Variants in SEMA3A observed in about 807,000 individuals in gnomAD.
SEMA3A encodes the protein semaphorin-3A.
A neutral mutation model predicts 97.9 loss-of-function variants in SEMA3A; 29 were observed. The observed-to-expected ratio is 0.30, with a 90% CI of 0.22 to 0.40. The LOEUF (loss-of-function observed/expected upper bound fraction) is 0.40. Ranked by LOEUF, SEMA3A falls within the 10% of genes least tolerant of loss-of-function variation. SEMA3A has a pLI of 1.00. For missense variants in SEMA3A, 763 were observed against 951.3 expected (o/e 0.80, Z 2.60); for synonymous variants, 321 against 323.7 (o/e 0.99, Z 0.09).
chr7:84,049,836 G>T (rs981811055), intron 5 of SEMA3A, among the ~76,000 whole-genome samples: 1 of 148,354 alleles, frequency 6.7e-6, no homozygotes. Context: ...CTAGCATTAG[G>T]TATATCTCCC....
At chr7:84,129,860 G>T (rs983121639) in intron 2 of SEMA3A, among the ~76,000 whole-genome samples, 6 of 151,870 alleles carry the variant, frequency 4.0e-5, no homozygotes, top group African/African-American at 1.5e-4. Flanking sequence ...GACTAGTTGA[G>T]AAACAATTAT....
intron 1 of SEMA3A, among the ~76,000 whole-genome samples, chr7:84,436,421 C>G (rs1805132256): frequency 6.6e-6 from 1 of 152,098 alleles, no homozygotes; most frequent in African/African-American, 2.4e-5. Flanking sequence ...AAAATATTTT[C>G]AAACTATTCA....
At chr7:84,308,821 T>TTC (rs1187255626) in intron 2 of SEMA3A, among the ~76,000 whole-genome samples, 15 of 68,040 alleles carry the variant, frequency 2.2e-4, no homozygotes, top group African/African-American at 3.8e-4. Flanking sequence ...TCACTTTTTT[T>TTC]TTCTTTTTTT....
chr7:84,474,087 C>G (rs921914919), intron 1 of SEMA3A, among the ~76,000 whole-genome samples: 1 of 152,122 alleles, frequency 6.6e-6, no homozygotes, highest in Non-Finnish European at 1.5e-5. Context: ...TTTCTTATCT[C>G]TCAGCCTTGG....
At chr7:84,326,166 A>G (rs553266189) in intron 2 of SEMA3A, among the ~76,000 whole-genome samples, 2 of 152,244 alleles carry the variant, frequency 1.3e-5, no homozygotes, top group East Asian at 3.9e-4. Context: ...TGGAGTATGG[A>G]TTATAGAGCT....
chr7:84,401,212 T>C (rs1172651808), intron 1 of SEMA3A, among the ~76,000 whole-genome samples: 1 of 152,126 alleles, frequency 6.6e-6, no homozygotes, highest in Non-Finnish European at 1.5e-5. Flanking sequence ...CATTTCTATA[T>C]GCCAATAGTG....
At chr7:84,368,838 C>A (rs1802910790) in intron 2 of SEMA3A, among the ~76,000 whole-genome samples, 1 of 150,440 alleles carries the variant, frequency 6.6e-6, no homozygotes, top group Admixed American at 6.7e-5. Flanking sequence ...AATATATACA[C>A]AAAAACACAT....
Position 83,961,624 on chromosome 7 carries a change from G to A in SEMA3A, c.2063C>T (p.Thr688Ile), listed in dbSNP as rs1322821879. 6.2e-7 allele frequency: 1 copy of A among 1,613,974 alleles called. No homozygotes were observed. The highest frequency in any genetic ancestry group is 8.5e-7 in the Non-Finnish European group (1 of 1,179,950). ...TGTCATGCTATTGGACATTTCTTTG[G>A]TCTTAGAGCCATCTCCATCATCATC... ...HKDDDGDGSK[T>I]KEMSNSMTPS... Residue 688 changes from threonine to isoleucine, a missense_variant, in exon 17 of 17, where the codon ACC becomes ATC. By Grantham distance (89) the Thr-to-Ile change is moderately conservative. This residue lies in a region of SEMA3A where 678 missense variants were observed against 881.3 expected (regional missense o/e 0.77). Coordinates refer to ENST00000265362, the MANE Select transcript of SEMA3A (RefSeq NM_006080.3).
chr7:84,355,045 A>G (rs1802523521), intron 2 of SEMA3A, among the ~76,000 whole-genome samples: 1 of 151,810 alleles, frequency 6.6e-6, no homozygotes, highest in Non-Finnish European at 1.5e-5. Context: ...GATTATTTCC[A>G]GTTAGGATTC....
intron 4 of SEMA3A, among the ~76,000 whole-genome samples, chr7:84,090,530 A>G (rs1794530425): frequency 6.6e-6 from 1 of 152,176 alleles, no homozygotes; most frequent in East Asian, 1.9e-4. Flanking sequence ...CACAAGACCC[A>G]CGTTGAACAA....
chr7:84,280,321 A>T (rs1800411120), intron 3 of SEMA3A, among the ~76,000 whole-genome samples: 3 of 152,200 alleles, frequency 2.0e-5, no homozygotes, highest in African/African-American at 7.2e-5. Context: ...AGTGTCTCCT[A>T]AGCTAAACTA....
At position 84,148,016 on chromosome 7, in the gene SEMA3A, TCTCATGCCTCGGC is replaced by T. The variant is rs543675618; in HGVS notation, c.113-13078_113-13066del. ...CCTCTGCCTCCTGGGTTCAAGGGAT[TCTCATGCCTCGGC>T]CTCCTGAGTAGCTGGTATTACAGGC... On this transcript the variant is annotated intron_variant, in intron 1 of 16. Transcript: ENST00000265362. 3.9e-3 allele frequency among the ~76,000 whole-genome samples: 598 copies of T among 152,168 alleles called. 5 individuals are homozygous for T. The highest frequency in any genetic ancestry group is 0.014 in the African/African-American group (567 of 41,504).
In SEMA3A at chr7:84,074,315, G is replaced by A. The variant is rs139559045; in HGVS notation, c.454-13757C>T. ...ATATGAAAGCAATTACTAATTATAA[G>A]CTTCATAAAATTAGCCTGTCAGAAG... On this transcript the variant is annotated intron_variant, in intron 4 of 16. Coordinates refer to ENST00000265362, the MANE Select transcript of SEMA3A (RefSeq NM_006080.3). 2.0e-5 allele frequency among the ~76,000 whole-genome samples: 3 copies of A among 152,150 alleles called. No individual in the cohort carries two copies. In the East Asian group the frequency reaches 5.8e-4, roughly 29 times the overall value.
intron 6 of SEMA3A, among the ~76,000 whole-genome samples, chr7:84,015,810 C>CA (rs1431388072): frequency 6.6e-6 from 1 of 152,170 alleles, no homozygotes; most frequent in Admixed American, 6.5e-5. Context: ...GTATATTTCA[C>CA]AAGGCCACAC....
chr7:84,354,505 T>C, intron 2 of SEMA3A, among the ~76,000 whole-genome samples: 1 of 151,610 alleles, frequency 6.6e-6, no homozygotes, highest in East Asian at 1.9e-4. Flanking sequence ...TTTGAATAGA[T>C]TATTTTAGGA....
intron 1 of SEMA3A, among the ~76,000 whole-genome samples, chr7:84,398,370 A>G (rs1389702923): frequency 4.6e-5 from 7 of 152,294 alleles, no homozygotes; most frequent in African/African-American, 1.7e-4. Flanking sequence ...TTATTGTAGC[A>G]CGTGACATTC....
At chr7:84,452,337 T>G (rs1805576614) in intron 1 of SEMA3A, among the ~76,000 whole-genome samples, 1 of 152,216 alleles carries the variant, frequency 6.6e-6, no homozygotes, top group African/African-American at 2.4e-5. Context: ...TGACGTGCCA[T>G]AAGGCTTCCT....
intron 1 of SEMA3A, among the ~76,000 whole-genome samples, chr7:84,175,467 G>A (rs747159554): frequency 1.3e-5 from 2 of 152,180 alleles, no homozygotes; most frequent in African/African-American, 2.4e-5. Context: ...GCACCTGACT[G>A]TGTTACGTAG....
chr7:84,236,737 T>A (rs1462322230), intron 3 of SEMA3A, among the ~76,000 whole-genome samples: 1 of 152,160 alleles, frequency 6.6e-6, no homozygotes, highest in African/African-American at 2.4e-5. Context: ...TTGATCGTTT[T>A]GCCTCAGTCT....
Sources: gnomAD v4.1 joint callset for allele counts (sites outside exome capture counted in the v4.1 genomes callset) on GRCh38, gnomAD v4.1.1 for gene constraint, gnomAD v4.1.1 regional missense constraint, MANE v1.5 for transcripts, NCBI Gene and HGNC (gene_info 2026-07-23, HGNC 2026-07-21) for gene names.